The following CDH4 variants were observed in gnomAD, a reference collection of about 807,000 sequenced individuals.
The protein encoded by CDH4 is cadherin-4.
CDH4 carries 33 observed loss-of-function variants against 86.0 expected under a neutral mutation model. The ratio of observed to expected loss-of-function variants is 0.38; its 90% CI spans 0.29 to 0.51. The LOEUF (loss-of-function observed/expected upper bound fraction) is 0.51, where lower values mean the gene tolerates loss of function less well. CDH4 is among the 20% of genes least tolerant of loss of function. CDH4 has a pLI of 0.86. For synonymous variants in CDH4, 555 were observed against 549.4 expected (o/e 1.01, Z -0.14); for missense variants, 1,114 against 1,307.4 (o/e 0.85, Z 2.28).
intron 2 of CDH4, among the ~76,000 whole-genome samples, chr20:61,613,218 T>G (rs1313767682): frequency 6.6e-6 from 1 of 152,114 alleles, no homozygotes; most frequent in Non-Finnish European, 1.5e-5. Flanking sequence ...CCCCTAGTCT[T>G]TACCCAAGTG....
intron 2 of CDH4, among the ~76,000 whole-genome samples, chr20:61,610,374 T>G (rs1179395074): frequency 1.3e-5 from 2 of 152,260 alleles, no homozygotes; most frequent in Non-Finnish European, 2.9e-5. Flanking sequence ...GTACATGAAC[T>G]ACATTGTCTT....
intron 2 of CDH4, among the ~76,000 whole-genome samples, chr20:61,492,091 ATGGTGG>A (rs369476680): frequency 0.012 from 1,762 of 143,344 alleles, 45 homozygotes; most frequent in African/African-American, 0.043. Flanking sequence ...GATGGTGTTG[ATGGTGG>A]TGGTGTTGAT....
chr20:61,717,011 A>G (rs1449325540), intron 2 of CDH4, among the ~76,000 whole-genome samples: 1 of 152,212 alleles, frequency 6.6e-6, no homozygotes, highest in Non-Finnish European at 1.5e-5. Context: ...AGGTAGAGGA[A>G]ACCCTCTGCA....
intron 2 of CDH4, among the ~76,000 whole-genome samples, chr20:61,670,925 A>C (rs2087379533): frequency 6.6e-6 from 1 of 152,208 alleles, no homozygotes; most frequent in Non-Finnish European, 1.5e-5. Context: ...CCTAGGAGGT[A>C]AGACTGAGGA....
chr20:61,868,535 A>G (rs939914599), intron 6 of CDH4, among the ~76,000 whole-genome samples: 7 of 152,194 alleles, frequency 4.6e-5, no homozygotes, highest in Non-Finnish European at 8.8e-5. Context: ...CAAACCCACA[A>G]CAGGCCATAA....
chr20:61,722,856 G>A, intron 2 of CDH4, among the ~76,000 whole-genome samples: 1 of 152,158 alleles, frequency 6.6e-6, no homozygotes, highest in East Asian at 1.9e-4. Context: ...CCTCTGATGT[G>A]CATTGAAAAT....
intron 2 of CDH4, among the ~76,000 whole-genome samples, chr20:61,695,740 T>C (rs2087708600): frequency 6.6e-6 from 1 of 152,230 alleles, no homozygotes; most frequent in Non-Finnish European, 1.5e-5. Flanking sequence ...TGGTGAGCCC[T>C]GGCATCTCAT....
chr20:61,650,065 A>G (rs1568733218), intron 2 of CDH4, among the ~76,000 whole-genome samples: 1 of 152,208 alleles, frequency 6.6e-6, no homozygotes, highest in Non-Finnish European at 1.5e-5. Flanking sequence ...GTCAGCGGCT[A>G]TCCCAGTCTT....
At chr20:61,633,175 CA>C (rs1379414372) in intron 2 of CDH4, among the ~76,000 whole-genome samples, 1 of 151,536 alleles carries the variant, frequency 6.6e-6, no homozygotes, top group Non-Finnish European at 1.5e-5. Flanking sequence ...CCCATCCATC[CA>C]CCCATCCATC....
rs995887545 is a variant in CDH4 at position 61,835,079 on chromosome 20, CTTGTT to C, written c.577-9576_577-9572del. Reference sequence around the variant, plus strand: ...TAAGAATACAGAGTTCATTTTTTGTCTTGTTTTGTTTTGTTTTAGAGAGATGTGGG... The same window carrying C: ...TAAGAATACAGAGTTCATTTTTTGTCTTGTTTTGTTTTAGAGAGATGTGGG... On this transcript the variant is annotated intron_variant, in intron 4 of 15. Coordinates refer to ENST00000614565, the MANE Select transcript of CDH4 (RefSeq NM_001794.5). Among the ~76,000 whole-genome samples, 42 of 152,234 alleles carry C rather than the reference CTTGTT, an allele frequency of 2.8e-4. 1 individual carries two copies. Among genetic ancestry groups the C allele is most frequent in the African/African-American group, 9.6e-4 (40 of 41,562 alleles).
At chr20:61,757,865 G>A (rs748881907) in intron 3 of CDH4, among the ~76,000 whole-genome samples, 1 of 152,190 alleles carries the variant, frequency 6.6e-6, no homozygotes, top group Non-Finnish European at 1.5e-5. Context: ...GGACCTGAGT[G>A]GTAGCCATGC....
rs180864459 is a variant in CDH4 at position 61,588,478 on chromosome 20, G to A, written c.170-155085G>A. On this transcript the variant is annotated intron_variant, in intron 2 of 15. Transcript: ENST00000614565. ...GGAGAGAAAGAAAAAAAGAAAGATC[G>A]TGAATTCTGAGTGGAGTGACCAGTT... Among the ~76,000 whole-genome samples, 538 of 152,308 alleles carry A rather than the reference G, an allele frequency of 3.5e-3. 5 individuals carry two copies. The highest frequency in any genetic ancestry group is 0.027 in the Middle Eastern group (8 of 294).
At chr20:61,413,172 C>G (rs968631555) in intron 2 of CDH4, among the ~76,000 whole-genome samples, 5 of 151,898 alleles carry the variant, frequency 3.3e-5, no homozygotes, top group Non-Finnish European at 5.9e-5. Context: ...CTCCCCTCCC[C>G]ATTCGCAGAG....
At chr20:61,651,026 C>T (rs549005103) in intron 2 of CDH4, among the ~76,000 whole-genome samples, 15 of 152,170 alleles carry the variant, frequency 9.9e-5, no homozygotes, top group Non-Finnish European at 1.8e-4. Flanking sequence ...GAGTTAGCCT[C>T]GTGCTTGGCC....
At chr20:61,557,751 G>A (rs1285143777) in intron 2 of CDH4, among the ~76,000 whole-genome samples, 7 of 140,524 alleles carry the variant, frequency 5.0e-5, no homozygotes, top group Non-Finnish European at 9.4e-5. Flanking sequence ...CGTTAAGGGC[G>A]TGAACGTGCA....
intron 2 of CDH4, among the ~76,000 whole-genome samples, chr20:61,279,847 C>T (rs935962764): frequency 2.6e-5 from 4 of 152,218 alleles, no homozygotes; most frequent in Non-Finnish European, 4.4e-5. Flanking sequence ...TTGTGAGTAA[C>T]GGGGTGATTG....
At chr20:61,497,534 G>A (rs1036549380) in intron 2 of CDH4, among the ~76,000 whole-genome samples, 1 of 152,244 alleles carries the variant, frequency 6.6e-6, no homozygotes, top group East Asian at 1.9e-4. Flanking sequence ...TTAGAATGGC[G>A]ATCATTAAAA....
chr20:61,889,784 G>T (rs548242190), intron 7 of CDH4, among the ~76,000 whole-genome samples: 1 of 151,174 alleles, frequency 6.6e-6, no homozygotes, highest in East Asian at 2.0e-4. Flanking sequence ...TGATGGATGG[G>T]TGAGTGGATG....
intron 7 of CDH4, among the ~76,000 whole-genome samples, chr20:61,885,208 G>A (rs771116394): frequency 3.9e-5 from 6 of 152,182 alleles, no homozygotes; most frequent in African/African-American, 9.7e-5. Context: ...ACGCTTCAGC[G>A]GGGTTCAGTG....
Sources: gnomAD v4.1 joint callset for allele counts (sites outside exome capture counted in the v4.1 genomes callset) on GRCh38, gnomAD v4.1.1 for gene constraint, MANE v1.5 for transcripts, NCBI Gene and HGNC (gene_info 2026-07-23, HGNC 2026-07-21) for gene names.